The following PYGM variants were observed in gnomAD, a reference collection of about 807,000 sequenced individuals.
PYGM encodes glycogen phosphorylase, muscle associated, also known as glycogen phosphorylase, muscle form.
In PYGM, 81 loss-of-function variants were observed where a neutral mutation model predicts 99.3. The observed-to-expected ratio is 0.82, with a 90% CI of 0.68 to 0.98. The LOEUF (loss-of-function observed/expected upper bound fraction) is 0.98, where lower values mean the gene tolerates loss of function less well. Among genes scored for constraint, PYGM ranks in the 50% least tolerant of loss-of-function variants. The pLI is 0.00. For missense variants in PYGM, 1,030 were observed against 1,158.1 expected (o/e 0.89, Z 1.61); for synonymous variants, 436 against 451.5 (o/e 0.97, Z 0.44).
At chr11:64,749,604 T>C (rs1027259859) in intron 17 of PYGM, among the ~76,000 whole-genome samples, 4 of 150,868 alleles carry the variant, frequency 2.7e-5, no homozygotes, top group African/African-American at 9.7e-5. Flanking sequence ...ATCGCGCCAC[T>C]GCACTCCAGC....
chr11:64,759,375 A>G (rs1174616976), intron 1 of PYGM, among the ~76,000 whole-genome samples: 8 of 152,058 alleles, frequency 5.3e-5, no homozygotes, highest in Non-Finnish European at 1.2e-4. Flanking sequence ...ACCTGGGCCC[A>G]GCCAGGCCAC....
rs747567834 is a variant in PYGM at position 64,746,723 on chromosome 11, G to T, written c.2465C>A (p.Ala822Asp). The change falls in exon 20 of 20, where the codon GCC becomes GAC. Residue 822 changes from alanine (A) to aspartate (D), a missense_variant. Ala to Asp is a moderately radical substitution (Grantham distance 126, BLOSUM62 -2). Transcript: ENST00000164139. ...AGGCTCCACACCCCAGATCTCCCGG[G>T]CATACTGGGCAATGGTGCGGTCACT... is the stretch of plus-strand genomic sequence containing the variant. ...FSSDRTIAQY[A>D]REIWGVEPSR... 43 of 1,614,078 alleles carry T rather than the reference G, an allele frequency of 2.7e-5. No individual in the cohort carries two copies. The highest frequency in any genetic ancestry group is 3.6e-5 in the Non-Finnish European group (42 of 1,180,040).
At chr11:64,752,145 A>C in intron 13 of PYGM, 74 bp from the exon 14 acceptor site, 1 of 1,602,998 alleles carries the variant, frequency 6.2e-7, no homozygotes. Flanking sequence ...CACTCCAGTC[A>C]GCCCCAGGAG....
Position 64,751,344 on chromosome 11 carries a change from T to C in PYGM, c.1950A>G (p.Arg650=). Residue 650 remains arginine (R), a synonymous_variant, in exon 16 of 20, where the codon CGA becomes CGG. Transcript: ENST00000164139. ...ACCCACCTTTCTCGGCCAGTGAGAC[T>C]CGGTAGTTCTCCAGGAAGATGACAC... ...RLRVIFLENY[R]VSLAEKVIPA... 1 of 1,614,118 alleles carries C rather than the reference T, an allele frequency of 6.2e-7. No homozygotes were observed. Among genetic ancestry groups the C allele is most frequent in the East Asian group, 2.2e-5 (1 of 44,882 alleles).
rs1349100815 is a variant in PYGM, at chr11:64,759,676, A to G, written c.223T>C (p.Tyr75His). ...VGRWIRTQQHYYEKDPKRIYY... is the reference protein window; with the variant it reads ...VGRWIRTQQHHYEKDPKRIYY... Reference sequence around the variant, plus strand: ...AGCACCTTGGGGTCCTTCTCATAGTAGTGCTGCTGCGTGCGGATCCAGCGC... The same window carrying G: ...AGCACCTTGGGGTCCTTCTCATAGTGGTGCTGCTGCGTGCGGATCCAGCGC... Residue 75 changes from tyrosine to histidine, a missense_variant, in exon 1 of 20, where the codon TAC becomes CAC. By Grantham distance (83) the Tyr-to-His change is moderately conservative. Coordinates refer to ENST00000164139, the MANE Select transcript of PYGM (RefSeq NM_005609.4). 1.2e-6 allele frequency: 2 copies of G among 1,613,782 alleles called. No homozygotes were observed. Among genetic ancestry groups the G allele is most frequent in the Non-Finnish European group, 1.7e-6 (2 of 1,179,964 alleles).
chr11:64,752,958 G>A lies in PYGM; in HGVS notation c.1518+115C>T. The stretch of plus-strand genomic sequence containing the variant: ...GAGGCTTGGGGAACACAGTGCAGGA[G>A]GGATTTCAGCCTTCAGCTGGGAGCC... On this transcript the variant is annotated intron_variant, in intron 12 of 19. Coordinates refer to ENST00000164139, the MANE Select transcript of PYGM (RefSeq NM_005609.4). The A allele has an allele frequency of 4.1e-6, 4 of 986,932 alleles. No individual in the cohort carries two copies. In the Admixed American group the frequency reaches 5.1e-5, roughly 13 times the overall value. The allele number at this position is 986,932 out of a possible 1,614,324, so 61.1% of individuals were successfully genotyped here. A position where few individuals can be genotyped will look rare whatever the true frequency, so the allele number is the denominator to read the frequency against.
At chr11:64,759,992 AG>A, upstream of PYGM, 1 of 1,556,710 alleles carries the variant, frequency 6.4e-7, no homozygotes, top group Non-Finnish European at 8.7e-7. Flanking sequence ...CCCAGCCTCA[AG>A]GGGATTTAAA....
At chr11:64,753,438 T>C in intron 11 of PYGM, 81 bp downstream of exon 11, 1 of 1,494,260 alleles carries the variant, frequency 6.7e-7, no homozygotes, top group Admixed American at 2.0e-5. Context: ...GAGTGGTCGG[T>C]GAAGGGCGGG....
rs754590975 is a variant in PYGM at position 64,757,782 on chromosome 11, T to C, written c.657A>G (p.Thr219=). Reference sequence around the variant, plus strand: ...TGACCCCCAGCTTCATCCTCACCTGTGTGTCCACCCACTTGGCACCCTGGC... The same window carrying C: ...TGACCCCCAGCTTCATCCTCACCTGCGTGTCCACCCACTTGGCACCCTGGC... ...HTSQGAKWVD[T]QVVLAMPYDT... The change falls in exon 5 of 20, where the codon ACA becomes ACG. Residue 219 remains threonine (T), a synonymous_variant. Transcript: ENST00000164139. The C allele has an allele frequency of 6.2e-7, 1 of 1,614,148 alleles. No individual in the cohort carries two copies. Among genetic ancestry groups the C allele is most frequent in the East Asian group, 2.2e-5 (1 of 44,882 alleles).
chr11:64,756,810 G>C (rs572657155), intron 5 of PYGM, among the ~76,000 whole-genome samples: 1 of 151,992 alleles, frequency 6.6e-6, no homozygotes, highest in African/African-American at 2.4e-5. Context: ...TGGTCTTTTT[G>C]CTTTTTGAAA....
At position 64,753,973 on chromosome 11, in the gene PYGM, G is replaced by A. The variant is rs1272968595; in HGVS notation, c.1145C>T (p.Pro382Leu). The change falls in exon 10 of 20, where the codon CCC becomes CTC. Residue 382 changes from proline to leucine, a missense_variant. Pro to Leu is a moderately conservative substitution (Grantham distance 98, BLOSUM62 -3). Coordinates refer to ENST00000164139, the MANE Select transcript of PYGM (RefSeq NM_005609.4). ...CACCGGCCAGCGCTCCAGGGCCTCG[G>A]GCAGCACCGTGTGGTTGGTGTAGGC... ...TCAYTNHTVL[P>L]EALERWPVHL... 1.2e-6 allele frequency: 2 copies of A among 1,606,186 alleles called. No individual in the cohort carries two copies. The highest frequency in any genetic ancestry group is 2.7e-5 in the African/African-American group (2 of 74,800).
At chr11:64,751,860 T>C in intron 14 of PYGM, 64 bp downstream of exon 14, 2 of 1,602,150 alleles carry the variant, frequency 1.2e-6, no homozygotes, top group South Asian at 1.1e-5. Flanking sequence ...GGTTGGGCAA[T>C]ATGTACTATG....
In PYGM at chr11:64,758,610, G is replaced by A. The variant is rs147571836; in HGVS notation, c.338C>T (p.Thr113Ile). 8.1e-6 allele frequency: 13 copies of A among 1,613,262 alleles called. No individual in the cohort carries two copies. Among genetic ancestry groups the A allele is most frequent in the Non-Finnish European group, 1.1e-5 (13 of 1,179,350 alleles). ...GCCCCACCCCACACACACCTGGTAGGTGGCCTCGTCACAGGCATTCTCTAA... is the reference window on the plus strand; with the variant it reads ...GCCCCACCCCACACACACCTGGTAGATGGCCTCGTCACAGGCATTCTCTAA... ...LALENACDEA[T>I]YQLGLDMEEL... The change falls in exon 2 of 20, where the codon ACC becomes ATC. Residue 113 changes from threonine to isoleucine, a missense_variant. Coordinates refer to ENST00000164139, the MANE Select transcript of PYGM (RefSeq NM_005609.4).
Position 64,753,570 on chromosome 11 carries a change from T to G in PYGM, c.1352A>C (p.His451Pro). The change falls in exon 11 of 20, where the codon CAC becomes CCC. Residue 451 changes from histidine to proline, a missense_variant. Transcript: ENST00000164139. ...GATGCGCGCCACGCCGTTGACGGCG[T>G]GCGACCCCGCGATGCACAGGTGTGC... is the stretch of plus-strand genomic sequence containing the variant. ...NMAHLCIAGS[H>P]AVNGVARIHS... 6.2e-7 allele frequency: 1 copy of G among 1,603,990 alleles called. No homozygotes were observed. Among genetic ancestry groups the G allele is most frequent in the Non-Finnish European group, 8.5e-7 (1 of 1,177,762 alleles).
intron 4 of PYGM, 127 bp from the exon 5 acceptor site, chr11:64,758,037 G>T: frequency 6.8e-7 from 1 of 1,463,712 alleles, no homozygotes; most frequent in Non-Finnish European, 9.3e-7. Flanking sequence ...GGAGCTCTGA[G>T]GTGGGCCCCT....
rs1260006214 is a variant in PYGM, at chr11:64,755,210, C to T, written c.855+63G>A. 3.2e-6 allele frequency: 5 copies of T among 1,545,348 alleles called. No individual in the cohort carries two copies. The Admixed American group carries it at 8.4e-5, about 26-fold the overall frequency. On this transcript the variant is annotated intron_variant, in intron 7 of 19. Coordinates refer to ENST00000164139, the MANE Select transcript of PYGM (RefSeq NM_005609.4). This position sits in a 1 kb window ranked among gnomAD's most constrained non-coding sequence, Gnocchi z 4.1. ...GGCACCAGCAAGTGTCCTTCCCCAGCTCTCCCTGACCCCTGCTGCCAAGGA... is the reference window on the plus strand; with the variant it reads ...GGCACCAGCAAGTGTCCTTCCCCAGTTCTCCCTGACCCCTGCTGCCAAGGA...
chr11:64,746,612 G>GA lies in PYGM; in HGVS notation c.*46dup. ...GCATGAGGTGCTGGGGCTGGCCCAAGAGAGTGTGACAGACTCAAGGGCTGG... is the reference window on the plus strand; with the variant it reads ...GCATGAGGTGCTGGGGCTGGCCCAAGAAGAGTGTGACAGACTCAAGGGCTGG... On this transcript the variant is annotated 3_prime_UTR_variant, in exon 20 of 20. Coordinates refer to ENST00000164139, the MANE Select transcript of PYGM (RefSeq NM_005609.4). The GA allele has an allele frequency of 6.2e-7, 1 of 1,612,512 alleles. No homozygotes were observed.
At chr11:64,752,683 C>T (rs942581178) in intron 12 of PYGM, among the ~76,000 whole-genome samples, 179 bp from the exon 13 acceptor site, 3 of 152,240 alleles carry the variant, frequency 2.0e-5, no homozygotes, top group Non-Finnish European at 4.4e-5. Flanking sequence ...CACCTTCCTC[C>T]CCTCCCGTCC....
chr11:64,758,172 G>A (rs489192), intron 4 of PYGM, 74 bp downstream of exon 4: 1 of 1,519,428 alleles, frequency 6.6e-7, no homozygotes, highest in Non-Finnish European at 9.1e-7. Context: ...TTCGGACCTT[G>A]CCAGAGATGA....
Sources: gnomAD v4.1 joint callset for allele counts (sites outside exome capture counted in the v4.1 genomes callset) on GRCh38, gnomAD v4.1.1 for gene constraint, Gnocchi (gnomAD v3.1) non-coding constraint, MANE v1.5 for transcripts, NCBI Gene and HGNC (gene_info 2026-07-23, HGNC 2026-07-21) for gene names.